The following LIFR variants were observed in gnomAD, a reference collection of about 807,000 sequenced individuals.
The protein encoded by LIFR is leukemia inhibitory factor receptor.
Under a neutral mutation model 122.2 loss-of-function variants are expected in LIFR, and 84 were observed. That is an observed-to-expected ratio of 0.69 (90% CI 0.58 to 0.82). The LOEUF (loss-of-function observed/expected upper bound fraction) is 0.82, where lower values mean the gene tolerates loss of function less well. LIFR is among the 40% of genes least tolerant of loss of function. LIFR has a pLI of 0.00. For synonymous variants in LIFR, 422 were observed against 434.7 expected (o/e 0.97, Z 0.36); for missense variants, 1,294 against 1,311.6 (o/e 0.99, Z 0.21).
intron 1 of LIFR, among the ~76,000 whole-genome samples, chr5:38,570,550 A>G (rs892052834): frequency 5.9e-5 from 9 of 152,136 alleles, no homozygotes; most frequent in Admixed American, 3.9e-4. Flanking sequence ...AATGAACATT[A>G]TGCACTTTCC....
chr5:38,572,937 C>G (rs989506608), intron 1 of LIFR, among the ~76,000 whole-genome samples: 2 of 152,198 alleles, frequency 1.3e-5, no homozygotes, highest in African/African-American at 4.8e-5. Flanking sequence ...TGTGCATGGT[C>G]TATATAACCT....
At chr5:38,568,247 G>C (rs1220300813) in intron 1 of LIFR, among the ~76,000 whole-genome samples, 1 of 152,168 alleles carries the variant, frequency 6.6e-6, no homozygotes, top group Non-Finnish European at 1.5e-5. Context: ...GGGTTTAAAC[G>C]GATAGAGAAT....
In LIFR at chr5:38,510,547, T is replaced by C; in HGVS notation, c.908A>G (p.Asn303Ser). Residue 303 changes from asparagine to serine, a missense_variant, in exon 7 of 20, where the codon AAT becomes AGT. Coordinates refer to ENST00000453190, the MANE Select transcript of LIFR (RefSeq NM_001127671.2). ...TCCACTACTTGCAGAAACAGAAATA[T>C]TACGAATCTTGATTGCAACATTTTC... ...DGENVAIKIR[N>S]ISVSASSGTN... 1 of 1,613,992 alleles carries C rather than the reference T, an allele frequency of 6.2e-7. No homozygotes were observed.
chr5:38,491,813 C>G (rs1190319281), intron 14 of LIFR, among the ~76,000 whole-genome samples: 3 of 152,224 alleles, frequency 2.0e-5, no homozygotes, highest in Admixed American at 1.3e-4. Context: ...AACTCAAGCT[C>G]AGCCAACTGT....
At chr5:38,558,367 G>A (rs1748694843), upstream of LIFR, 1 of 152,108 alleles carries the variant, frequency 6.6e-6, no homozygotes. Flanking sequence ...CTGTGGCCTT[G>A]CTATAATAGA....
intron 1 of LIFR, among the ~76,000 whole-genome samples, chr5:38,587,672 G>GAGA: frequency 6.6e-6 from 1 of 152,250 alleles, no homozygotes; most frequent in African/African-American, 2.4e-5. Flanking sequence ...GACAAATAGG[G>GAGA]AGAAGAATGA....
chr5:38,476,448 C>T lies in LIFR; in HGVS notation c.*5147G>A, dbSNP rs1479245147. ...TTAAATGTATAAGGAAATTCAACAA[C>T]TTAAGTGAGCCATTCAATCACGTGT... On this transcript the variant is annotated 3_prime_UTR_variant, in exon 20 of 20. Transcript: ENST00000453190. The T allele has an allele frequency of 9.6e-6, 2 of 208,966 alleles. No homozygotes were observed. The highest frequency in any genetic ancestry group is 4.6e-5 in the African/African-American group (2 of 43,880). 12.9% of individuals were successfully genotyped at this position (208,966 alleles called of 1,614,324 possible).
intron 1 of LIFR, among the ~76,000 whole-genome samples, chr5:38,588,331 C>T (rs1263288514): frequency 6.6e-6 from 1 of 152,002 alleles, no homozygotes; most frequent in South Asian, 2.1e-4. Flanking sequence ...GGTGCTCAGT[C>T]TGAAAAGGAA....
At position 38,535,874 on chromosome 5, in the gene LIFR, C is replaced by T. The variant is rs148788947; in HGVS notation, c.-19-5208G>A. On this transcript the variant is annotated intron_variant, in intron 1 of 19. Coordinates refer to ENST00000453190, the MANE Select transcript of LIFR (RefSeq NM_001127671.2). ...GAACCCAAGTTAAAGCTCTGGCTCC[C>T]AAACTGCACTGAGGCACCCCAAGAC... Among the ~76,000 whole-genome samples, 13 of 152,292 alleles carry T rather than the reference C, an allele frequency of 8.5e-5. No homozygotes were observed. In the East Asian group the frequency reaches 2.5e-3, roughly 29 times the overall value.
chr5:38,589,879 G>C (rs960603402), intron 1 of LIFR, among the ~76,000 whole-genome samples: 1 of 152,104 alleles, frequency 6.6e-6, no homozygotes, highest in Non-Finnish European at 1.5e-5. Context: ...AATTGTGAGG[G>C]CAGGGTGTGG....
chr5:38,491,764 TTTG>T (rs1744605975), intron 14 of LIFR, among the ~76,000 whole-genome samples: 1 of 152,304 alleles, frequency 6.6e-6, no homozygotes, highest in African/African-American at 2.4e-5. Flanking sequence ...TCCTTAAACG[TTTG>T]TTATGTGCTG....
At chr5:38,491,395 G>C (rs1744584862) in intron 14 of LIFR, among the ~76,000 whole-genome samples, 1 of 152,214 alleles carries the variant, frequency 6.6e-6, no homozygotes, top group Non-Finnish European at 1.5e-5. Context: ...GTATGTATCA[G>C]ATGCCATGGA....
At chr5:38,520,673 A>G (rs1016145567) in intron 5 of LIFR, among the ~76,000 whole-genome samples, 2 of 152,144 alleles carry the variant, frequency 1.3e-5, no homozygotes, top group Non-Finnish European at 1.5e-5. Context: ...TCCCAGTACC[A>G]TTTATTGAAG....
chr5:38,510,147 G>A (rs1041792832), intron 7 of LIFR, among the ~76,000 whole-genome samples: 5 of 152,220 alleles, frequency 3.3e-5, no homozygotes, highest in African/African-American at 1.2e-4. Flanking sequence ...ACAATGCAGG[G>A]TTAAGAAATA....
At chr5:38,605,743 A>G (rs186695453) in intron 2 of LIFR, among the ~76,000 whole-genome samples, 1 of 152,334 alleles carries the variant, frequency 6.6e-6, no homozygotes, top group East Asian at 1.9e-4. Flanking sequence ...AGGTAAATGC[A>G]TAGCTGATTG....
upstream of LIFR, among the ~76,000 whole-genome samples, chr5:38,599,515 A>C (rs938237139): frequency 6.6e-6 from 1 of 152,190 alleles, no homozygotes; most frequent in Non-Finnish European, 1.5e-5. Context: ...CATAGGGCCT[A>C]TGTTACAGGT....
chr5:38,535,350 C>T (rs1264792266), intron 1 of LIFR, among the ~76,000 whole-genome samples: 1 of 152,190 alleles, frequency 6.6e-6, no homozygotes, highest in Non-Finnish European at 1.5e-5. Flanking sequence ...AGGTTAGATG[C>T]CATCTGCTGC....
intron 1 of LIFR, among the ~76,000 whole-genome samples, chr5:38,547,063 C>A (rs543052087): frequency 3.9e-5 from 6 of 152,236 alleles, no homozygotes; most frequent in African/African-American, 1.4e-4. Flanking sequence ...ATCCCCAACA[C>A]CCCCAAAAGA....
intron 1 of LIFR, among the ~76,000 whole-genome samples, chr5:38,582,995 A>C (rs530966147): frequency 6.6e-6 from 1 of 152,276 alleles, no homozygotes; most frequent in Non-Finnish European, 1.5e-5. Flanking sequence ...ATCGCATTGC[A>C]TTGTAATTAT....
Sources: allele counts gnomAD v4.1 joint callset (sites outside exome capture counted in the v4.1 genomes callset), GRCh38; gene constraint gnomAD v4.1.1; transcripts MANE v1.5; gene names NCBI Gene and HGNC (gene_info 2026-07-23, HGNC 2026-07-21).